APP: variants seen among roughly 807,000 people sequenced by gnomAD.
The protein encoded by APP is amyloid-beta precursor protein.
A neutral mutation model predicts 101.4 loss-of-function variants in APP; 31 were observed. The observed-to-expected ratio is 0.31, with a 90% confidence interval of 0.23 to 0.41. The LOEUF is 0.41. APP is among the 10% of genes least tolerant of loss of function. The pLI is 1.00. For missense variants in APP, 839 were observed against 1,003.7 expected, an observed-to-expected ratio of 0.84 and a Z score of 2.22; for synonymous variants, 366 against 364.4, an observed-to-expected ratio of 1.00 and a Z score of -0.05.
intron 2 of APP, among the ~76,000 whole-genome samples, chr21:26,102,251 G>A (rs906133938): frequency 2.6e-5 from 4 of 151,842 alleles, no homozygotes; most frequent in African/African-American, 9.7e-5. Context: ...ACCACGCCCG[G>A]CAAATATTTT....
chr21:26,020,661 T>TG (rs2044296303), intron 6 of APP, among the ~76,000 whole-genome samples: 1 of 152,304 alleles, frequency 6.6e-6, no homozygotes, highest in East Asian at 1.9e-4. Context: ...ATTCAGTAAG[T>TG]ACATATTCAT....
At chr21:26,155,364 T>C (rs1426135900) in intron 1 of APP, among the ~76,000 whole-genome samples, 8 of 152,256 alleles carry the variant, frequency 5.3e-5, no homozygotes. Flanking sequence ...ATAGCTTTTA[T>C]ATTGACCCCC....
chr21:26,114,845 A>T (rs1601498935), intron 1 of APP, among the ~76,000 whole-genome samples: 1 of 150,116 alleles, frequency 6.7e-6, no homozygotes, highest in South Asian at 2.1e-4. Context: ...TTTTTTAAAC[A>T]TTTTTTTCAA....
At chr21:26,159,431 G>A (rs1335331553) in intron 1 of APP, among the ~76,000 whole-genome samples, 3 of 152,174 alleles carry the variant, frequency 2.0e-5, no homozygotes, top group Admixed American at 1.3e-4. Context: ...CAACATCACA[G>A]AAGTCAATCA....
intron 13 of APP, among the ~76,000 whole-genome samples, chr21:25,947,239 G>A (rs994102192): frequency 6.6e-6 from 1 of 152,202 alleles, no homozygotes; most frequent in African/African-American, 2.4e-5. Flanking sequence ...AAGAAAAAGA[G>A]AGCTTACCTA....
chr21:25,983,099 TTA>T (rs2042501489), intron 8 of APP, among the ~76,000 whole-genome samples: 1 of 152,216 alleles, frequency 6.6e-6, no homozygotes, highest in Non-Finnish European at 1.5e-5. Context: ...AATGAATTCA[TTA>T]TGCTAGTTGT....
At chr21:25,950,710 T>C (rs2041038507) in intron 13 of APP, among the ~76,000 whole-genome samples, 1 of 151,932 alleles carries the variant, frequency 6.6e-6, no homozygotes. Flanking sequence ...GGAATTGAAG[T>C]GGGAGGGGGC....
chr21:25,956,901 C>A (rs1333129848), intron 11 of APP, among the ~76,000 whole-genome samples: 3 of 152,106 alleles, frequency 2.0e-5, no homozygotes, highest in Non-Finnish European at 2.9e-5. Flanking sequence ...CATTAATGTA[C>A]CTAACTCATT....
chr21:26,080,612 CA>C (rs751287488), intron 3 of APP, among the ~76,000 whole-genome samples: 1 of 149,604 alleles, frequency 6.7e-6, no homozygotes, highest in African/African-American at 2.4e-5. Context: ...ACTAAAAATA[CA>C]AAAAAAAATT....
intron 1 of APP, among the ~76,000 whole-genome samples, chr21:26,119,538 C>G (rs978617102): frequency 6.6e-6 from 1 of 152,236 alleles, no homozygotes; most frequent in Non-Finnish European, 1.5e-5. Context: ...AATGTTCCAA[C>G]TACTAATGTT....
intron 6 of APP, among the ~76,000 whole-genome samples, chr21:26,017,477 T>G (rs1046714960): frequency 1.3e-5 from 2 of 151,716 alleles, no homozygotes; most frequent in African/African-American, 4.8e-5. Flanking sequence ...AATCTATATC[T>G]GCAACAAAGG....
chr21:25,888,173 T>G (rs1202647875), intron 17 of APP, among the ~76,000 whole-genome samples: 1 of 152,208 alleles, frequency 6.6e-6, no homozygotes, highest in Admixed American at 6.5e-5. Context: ...GAAGTAGGGT[T>G]ACTGATTAAT....
At chr21:26,142,284 G>C (rs1235266674) in intron 1 of APP, among the ~76,000 whole-genome samples, 2 of 152,146 alleles carry the variant, frequency 1.3e-5, no homozygotes, top group African/African-American at 4.8e-5. Flanking sequence ...AGAGACTTAA[G>C]AGGCTGCACC....
intron 1 of APP, among the ~76,000 whole-genome samples, chr21:26,145,533 G>A (rs1415438363): frequency 1.3e-5 from 2 of 152,182 alleles, no homozygotes; most frequent in Non-Finnish European, 2.9e-5. Context: ...CTCCTGCTGT[G>A]TGGCCCGGTT....
At chr21:25,980,294 G>C (rs2042379620) in intron 9 of APP, among the ~76,000 whole-genome samples, 1 of 152,182 alleles carries the variant, frequency 6.6e-6, no homozygotes, top group African/African-American at 2.4e-5. Context: ...ACGACTTCAT[G>C]TGCCCAGAAG....
At chr21:25,982,279 T>C (rs1008424226) in intron 9 of APP, 65 bp downstream of exon 9, 13 of 1,554,564 alleles carry the variant, frequency 8.4e-6, no homozygotes, top group Admixed American at 6.7e-5. Flanking sequence ...GTGGGGAGAC[T>C]GAGGCAGAGG....
chr21:26,111,846 G>A (rs905324739), intron 2 of APP, 133 bp downstream of exon 2: 1 of 867,812 alleles, frequency 1.2e-6, no homozygotes, highest in Non-Finnish European at 2.0e-6. Flanking sequence ...TATATTAATG[G>A]TATGGTGAAT....
chr21:26,157,120 A>G (rs866748325), intron 1 of APP, among the ~76,000 whole-genome samples: 8 of 152,110 alleles, frequency 5.3e-5, no homozygotes, highest in Middle Eastern at 6.8e-3. Context: ...CCCAGGCTGG[A>G]ATGCAGTGGT....
Position 25,910,838 on chromosome 21 carries a change from C to T in APP, c.1909+903G>A, listed in dbSNP as rs192458415. ...TTTATATGTAGTTCTCTATCTTTGCCTTTAACATTTAATTCAATCTGAAAT... is the reference window on the plus strand; with the variant it reads ...TTTATATGTAGTTCTCTATCTTTGCTTTTAACATTTAATTCAATCTGAAAT... On this transcript the variant is annotated intron_variant, in intron 14 of 17. Transcript: ENST00000346798. Among the ~76,000 whole-genome samples, 340 of 152,316 alleles carry T rather than the reference C, an allele frequency of 2.2e-3. 3 individuals are homozygous for T. The highest frequency in any genetic ancestry group is 7.2e-3 in the Admixed American group (110 of 15,300).
Sources: gnomAD v4.1 joint callset for allele counts (sites outside exome capture counted in the v4.1 genomes callset) on GRCh38, gnomAD v4.1.1 for gene constraint, MANE v1.5 for transcripts, NCBI Gene and HGNC (gene_info 2026-07-23, HGNC 2026-07-21) for gene names.